KSR1: variants seen among roughly 807,000 people sequenced by gnomAD.
KSR1 encodes kinase suppressor of ras.
KSR1 carries 35 observed loss-of-function variants against 92.9 expected under a neutral mutation model. The ratio of observed to expected loss-of-function variants is 0.38; its 90% CI spans 0.29 to 0.50. The LOEUF is 0.50. Among genes scored for constraint, KSR1 ranks in the 20% least tolerant of loss-of-function variants. KSR1 has a pLI of 0.94. For missense variants in KSR1, 972 were observed against 1,158.5 expected, an observed-to-expected ratio of 0.84 and a Z score of 2.34; for synonymous variants, 467 against 472.6, an observed-to-expected ratio of 0.99 and a Z score of 0.15.
At chr17:27,467,851 C>T (rs181958334) in intron 1 of KSR1, among the ~76,000 whole-genome samples, 153 of 151,626 alleles carry the variant, frequency 1.0e-3, no homozygotes, top group African/African-American at 3.5e-3. Flanking sequence ...CGCTCTGTCC[C>T]CCAGGCTGTA....
intron 1 of KSR1, among the ~76,000 whole-genome samples, chr17:27,547,255 T>C (rs149797026): frequency 6.8e-4 from 104 of 152,314 alleles, no homozygotes; most frequent in Middle Eastern, 3.4e-3. Context: ...GTGGTTTCAT[T>C]ATTATGGGTC....
intron 3 of KSR1, chr17:27,578,837 T>A (rs2050990390): frequency 6.6e-6 from 1 of 152,292 alleles, no homozygotes; most frequent in Admixed American, 6.5e-5. Context: ...ACCTACTGTG[T>A]GCCAGGCGTG....
intron 1 of KSR1, chr17:27,527,161 C>T (rs2070337846): frequency 3.7e-6 from 1 of 273,408 alleles, no homozygotes; most frequent in Non-Finnish European, 7.5e-6. Context: ...CTAAAATCAG[C>T]AGGGTACTCT....
rs2073805636 is a variant in KSR1 at position 27,607,894 on chromosome 17, A to T, written c.1995-20A>T. The T allele has an allele frequency of 6.3e-7, 1 of 1,577,604 alleles. No homozygotes were observed. Among genetic ancestry groups the T allele is most frequent in the Non-Finnish European group, 8.6e-7 (1 of 1,159,744 alleles). The stretch of plus-strand genomic sequence containing the variant: ...CGCACCAGCCCCAGACTTGTGCTTG[A>T]CCCCCACCACCCTCGACAGCTTCTG... On this transcript the variant is annotated intron_variant, in intron 14 of 20. Coordinates refer to ENST00000644974, the MANE Select transcript of KSR1 (RefSeq NM_001394583.1).
chr17:27,611,422 G>A, intron 17 of KSR1, 72 bp from the exon 18 acceptor site: 1 of 1,597,462 alleles, frequency 6.3e-7, no homozygotes. Context: ...GCTGGGCTAT[G>A]GCTCAAGGGC....
intron 2 of KSR1, 67 bp downstream of exon 2, chr17:27,550,775 C>T: frequency 1.4e-6 from 1 of 722,752 alleles, no homozygotes; most frequent in Non-Finnish European, 2.6e-6. Context: ...ACACACAAAC[C>T]CGAGGGCTAG....
chr17:27,616,172 G>C (rs2074048490), intron 18 of KSR1, among the ~76,000 whole-genome samples: 1 of 152,096 alleles, frequency 6.6e-6, no homozygotes, highest in African/African-American at 2.4e-5. Context: ...TGCTACCTTT[G>C]AAAGCTTCTG....
chr17:27,586,377 G>GT (rs1229053507), intron 5 of KSR1, among the ~76,000 whole-genome samples: 6 of 152,206 alleles, frequency 3.9e-5, no homozygotes, highest in Admixed American at 1.3e-4. Context: ...CAAAATAGGA[G>GT]TTTATTTTTG....
In KSR1 at chr17:27,562,795, G is replaced by T. The variant is rs189365071; in HGVS notation, c.372+12087G>T. ...CCCCTGCTCCTAGCTATGTACCTTT[G>T]GGGGAGGCCACAGGATTGGGAAACA... is the stretch of plus-strand genomic sequence containing the variant. On this transcript the variant is annotated intron_variant, in intron 2 of 20. Transcript: ENST00000644974. Among the ~76,000 whole-genome samples, 5 of 152,310 alleles carry T rather than the reference G, an allele frequency of 3.3e-5. No homozygotes were observed. In the South Asian group the frequency reaches 6.2e-4, roughly 19 times the overall value.
Position 27,571,028 on chromosome 17 carries a change from G to A in KSR1, c.373-6464G>A, listed in dbSNP as rs138890067. ...CCCAAAGAGGGGCGGGGACTTGTCCGAGGTCAGGGGCATTGCGGGGACCCA... is the reference window on the plus strand; with the variant it reads ...CCCAAAGAGGGGCGGGGACTTGTCCAAGGTCAGGGGCATTGCGGGGACCCA... On this transcript the variant is annotated intron_variant, in intron 2 of 20. Coordinates refer to ENST00000644974, the MANE Select transcript of KSR1 (RefSeq NM_001394583.1). 4.9e-3 allele frequency among the ~76,000 whole-genome samples: 749 copies of A among 152,336 alleles called. 5 individuals carry two copies. The highest frequency in any genetic ancestry group is 0.017 in the African/African-American group (691 of 41,570).
intron 1 of KSR1, among the ~76,000 whole-genome samples, chr17:27,486,886 A>G (rs369178146): frequency 1.8e-4 from 27 of 152,308 alleles, no homozygotes; most frequent in East Asian, 1.7e-3. Flanking sequence ...CTTTGACAGG[A>G]CATTCAGACC....
intron 1 of KSR1, among the ~76,000 whole-genome samples, chr17:27,481,552 G>T (rs770601383): frequency 1.3e-5 from 2 of 152,144 alleles, no homozygotes; most frequent in Admixed American, 6.6e-5. Context: ...GCTTCCTGTC[G>T]TGTGGTTGTG....
chr17:27,475,315 G>A (rs528514462), intron 1 of KSR1, among the ~76,000 whole-genome samples: 2 of 152,310 alleles, frequency 1.3e-5, no homozygotes, highest in Admixed American at 6.5e-5. Flanking sequence ...GGTGGTGAGA[G>A]GTGCTGTGTT....
chr17:27,586,057 T>C (rs535262423), intron 5 of KSR1: 44 of 243,746 alleles, frequency 1.8e-4, no homozygotes, highest in Non-Finnish European at 1.4e-4. Context: ...ACTTTAGCCA[T>C]CTCCAGAACC....
Position 27,592,343 on chromosome 17 carries a change from C to T in KSR1, c.1131-18C>T. 3.1e-6 allele frequency: 5 copies of T among 1,612,786 alleles called. No homozygotes were observed. The highest frequency in any genetic ancestry group is 1.7e-5 in the Admixed American group (1 of 60,012). On this transcript the variant is annotated intron_variant, in intron 7 of 20. Coordinates refer to ENST00000644974, the MANE Select transcript of KSR1 (RefSeq NM_001394583.1). The stretch of plus-strand genomic sequence containing the variant: ...CCCCATGTGGTGCTTTGCACACCAA[C>T]CTCCCCTTCTTTACCAGGTTGAAGT...
At chr17:27,600,926 GA>G (rs1408221008) in intron 10 of KSR1, among the ~76,000 whole-genome samples, 1 of 152,102 alleles carries the variant, frequency 6.6e-6, no homozygotes, top group Admixed American at 6.5e-5. Flanking sequence ...GAGAGAGAGA[GA>G]AAAAAATGTG....
chr17:27,567,135 T>G (rs1418231559), intron 2 of KSR1, among the ~76,000 whole-genome samples: 2 of 152,102 alleles, frequency 1.3e-5, no homozygotes, highest in Admixed American at 6.5e-5. Context: ...ATAATACCAA[T>G]AGTTGTTATT....
intron 4 of KSR1, among the ~76,000 whole-genome samples, chr17:27,584,737 G>C (rs540369665): frequency 1.3e-5 from 2 of 152,166 alleles, no homozygotes; most frequent in Non-Finnish European, 2.9e-5. Flanking sequence ...CAGCACTGAC[G>C]TGACGCTCAG....
chr17:27,582,499 A>G, intron 3 of KSR1, 147 bp from the exon 4 acceptor site: 1 of 701,062 alleles, frequency 1.4e-6, no homozygotes, highest in Non-Finnish European at 2.4e-6. Flanking sequence ...CGGCCTTTAT[A>G]AACCAGGTAA....
Sources: gnomAD v4.1 joint callset for allele counts (sites outside exome capture counted in the v4.1 genomes callset) on GRCh38, gnomAD v4.1.1 for gene constraint, MANE v1.5 for transcripts, NCBI Gene and HGNC (gene_info 2026-07-23, HGNC 2026-07-21) for gene names.